LRP1B: variants seen among roughly 807,000 people sequenced by gnomAD.
LRP1B encodes low-density lipoprotein receptor-related protein 1B.
Under a neutral mutation model 556.6 loss-of-function variants are expected in LRP1B, and 217 were observed. That is an observed-to-expected ratio of 0.39 (90% confidence interval 0.35 to 0.44). LRP1B has a LOEUF of 0.44. Ranked by LOEUF, LRP1B falls within the 20% of genes least tolerant of loss-of-function variation. The pLI is 1.00. For missense variants in LRP1B, 5,053 were observed against 5,620.8 expected (o/e 0.90, Z 3.23); for synonymous variants, 2,047 against 1,865.8 (o/e 1.10, Z -2.50).
chr2:142,124,690 G>A (rs1338949880), intron 1 of LRP1B, among the ~76,000 whole-genome samples: 1 of 151,734 alleles, frequency 6.6e-6, no homozygotes, highest in Admixed American at 6.6e-5. Flanking sequence ...TTTTAAACTT[G>A]TATAATACCC....
intron 60 of LRP1B, among the ~76,000 whole-genome samples, chr2:140,462,529 T>C (rs1322630943): frequency 6.6e-6 from 1 of 152,184 alleles, no homozygotes; most frequent in African/African-American, 2.4e-5. Context: ...GCTAAATCAT[T>C]ATAGTTGAGC....
At chr2:140,944,436 G>C (rs548754126) in intron 20 of LRP1B, among the ~76,000 whole-genome samples, 3 of 152,080 alleles carry the variant, frequency 2.0e-5, no homozygotes, top group South Asian at 2.1e-4. Context: ...GTATCATCCT[G>C]ATACCAAAAA....
intron 5 of LRP1B, among the ~76,000 whole-genome samples, chr2:141,244,654 C>A (rs1684003709): frequency 6.6e-6 from 1 of 152,020 alleles, no homozygotes; most frequent in African/African-American, 2.4e-5. Context: ...ATAACTGAAG[C>A]CAAAAGTATC....
chr2:141,558,196 A>C (rs1270555875), intron 2 of LRP1B, among the ~76,000 whole-genome samples: 1 of 151,892 alleles, frequency 6.6e-6, no homozygotes, highest in Non-Finnish European at 1.5e-5. Context: ...TTTAAAGGTG[A>C]GCAATAGATG....
intron 1 of LRP1B, among the ~76,000 whole-genome samples, chr2:141,889,462 G>A (rs891090591): frequency 2.6e-5 from 4 of 152,114 alleles, no homozygotes; most frequent in Non-Finnish European, 5.9e-5. Context: ...GTAAAACTGA[G>A]ACTCAGGAGA....
chr2:141,291,986 C>T (rs187149471), intron 3 of LRP1B, among the ~76,000 whole-genome samples: 40 of 152,136 alleles, frequency 2.6e-4, no homozygotes, highest in South Asian at 1.7e-3. Flanking sequence ...GTCCCCAACC[C>T]CAATGCGATG....
intron 3 of LRP1B, among the ~76,000 whole-genome samples, chr2:141,328,114 T>C (rs1177300993): frequency 6.6e-6 from 1 of 152,192 alleles, no homozygotes; most frequent in African/African-American, 2.4e-5. Flanking sequence ...CATGCCTCTA[T>C]ATACTAGGTC....
intron 41 of LRP1B, among the ~76,000 whole-genome samples, chr2:140,619,287 TAA>T (rs1683369461): frequency 6.6e-6 from 1 of 152,184 alleles, no homozygotes; most frequent in South Asian, 2.1e-4. Context: ...TTGTATTTCC[TAA>T]GTTTTTCTGT....
At chr2:141,577,165 G>A (rs1686782300) in intron 2 of LRP1B, among the ~76,000 whole-genome samples, 1 of 152,162 alleles carries the variant, frequency 6.6e-6, no homozygotes, top group South Asian at 2.1e-4. Flanking sequence ...TAAAGTAGTA[G>A]CATAGCCCAG....
chr2:141,276,327 T>A (rs1685283449), intron 3 of LRP1B, among the ~76,000 whole-genome samples: 1 of 151,988 alleles, frequency 6.6e-6, no homozygotes, highest in Admixed American at 6.6e-5. Context: ...TAGGGGTACA[T>A]GTGCAGGTTT....
At chr2:140,830,528 G>A (rs912230554) in intron 31 of LRP1B, among the ~76,000 whole-genome samples, 1 of 151,890 alleles carries the variant, frequency 6.6e-6, no homozygotes, top group African/African-American at 2.4e-5. Flanking sequence ...AGATGAAAAA[G>A]CATTTTAAAA....
chr2:141,780,251 G>A (rs1027141647), intron 2 of LRP1B, among the ~76,000 whole-genome samples: 3 of 151,910 alleles, frequency 2.0e-5, no homozygotes, highest in Admixed American at 6.6e-5. Context: ...TGGGGATAGG[G>A]AATCACTTTT....
intron 83 of LRP1B, among the ~76,000 whole-genome samples, chr2:140,311,531 G>A (rs1434656540): frequency 6.6e-6 from 1 of 151,742 alleles, no homozygotes; most frequent in Non-Finnish European, 1.5e-5. Context: ...AAGGGTGGGA[G>A]GAGGGTAAAG....
At chr2:140,645,274 A>T (rs1684438769) in intron 41 of LRP1B, among the ~76,000 whole-genome samples, 1 of 152,120 alleles carries the variant, frequency 6.6e-6, no homozygotes, top group South Asian at 2.1e-4. Flanking sequence ...AGTGAGGTTT[A>T]TAAATGTATA....
chr2:140,611,327 T>G lies in LRP1B; in HGVS notation c.6800-9688A>C, dbSNP rs1574141270. On this transcript the variant is annotated intron_variant, in intron 41 of 90. Coordinates refer to ENST00000389484, the MANE Select transcript of LRP1B (RefSeq NM_018557.3). ...TTTAGTATAACTTGTAGGATGGCAA[T>G]GTGAATATTTTCTGATCTTTTAGGT... Among the ~76,000 whole-genome samples the G allele has an allele frequency of 2.6e-5, 4 of 152,184 alleles. No individual in the cohort carries two copies. In the East Asian group the frequency reaches 7.7e-4, roughly 29 times the overall value.
At chr2:141,834,566 G>A (rs1697208151) in intron 1 of LRP1B, among the ~76,000 whole-genome samples, 2 of 151,852 alleles carry the variant, frequency 1.3e-5, no homozygotes, top group African/African-American at 4.8e-5. Flanking sequence ...AAGCTAACGA[G>A]TTCTGTTTTG....
chr2:141,983,402 C>A (rs1702097228), intron 1 of LRP1B, among the ~76,000 whole-genome samples: 1 of 152,116 alleles, frequency 6.6e-6, no homozygotes, highest in South Asian at 2.1e-4. Flanking sequence ...CTATGCATTT[C>A]ACCTCTCTTT....
chr2:140,848,540 T>G (rs1692344934), intron 29 of LRP1B, among the ~76,000 whole-genome samples: 1 of 152,218 alleles, frequency 6.6e-6, no homozygotes, highest in Non-Finnish European at 1.5e-5. Flanking sequence ...GAATAAAATC[T>G]ACACTTCCTA....
chr2:140,809,556 C>A (rs116340783), intron 32 of LRP1B, among the ~76,000 whole-genome samples: 2,935 of 152,240 alleles, frequency 0.019, 52 homozygotes, highest in Middle Eastern at 0.037. Context: ...TCATTCATAA[C>A]CTGCTTAACT....
Sources: allele counts gnomAD v4.1 joint callset (sites outside exome capture counted in the v4.1 genomes callset), GRCh38; gene constraint gnomAD v4.1.1; transcripts MANE v1.5; gene names NCBI Gene and HGNC (gene_info 2026-07-23, HGNC 2026-07-21).